PSPC1: variants seen among roughly 807,000 people sequenced by gnomAD.
The protein encoded by PSPC1 is paraspeckle protein 1.
PSPC1 carries 14 observed loss-of-function variants against 51.6 expected under a neutral mutation model. The ratio of observed to expected loss-of-function variants is 0.27; its 90% CI spans 0.18 to 0.42. The LOEUF (loss-of-function observed/expected upper bound fraction) is 0.42, where lower values mean the gene tolerates loss of function less well. PSPC1 is among the 10% of genes least tolerant of loss of function. The pLI, the probability that PSPC1 is intolerant of heterozygous loss-of-function variation, is 1.00. For missense variants in PSPC1, 406 were observed against 701.1 expected, an observed-to-expected ratio of 0.58 and a Z score of 4.75; for synonymous variants, 193 against 231.9, an observed-to-expected ratio of 0.83 and a Z score of 1.53.
chr13:19,698,059 A>G (rs1879456451), downstream of PSPC1, among the ~76,000 whole-genome samples: 1 of 152,114 alleles, frequency 6.6e-6, no homozygotes, highest in Non-Finnish European at 1.5e-5. Flanking sequence ...AGCCTGGTTG[A>G]TTGACAAACA....
At chr13:19,778,607 G>A (rs1430084161) in intron 1 of PSPC1, among the ~76,000 whole-genome samples, 10 of 126,424 alleles carry the variant, frequency 7.9e-5, no homozygotes, top group African/African-American at 1.4e-4. Flanking sequence ...CCCTAACCGC[G>A]AGTGATCCGC....
intron 6 of PSPC1, among the ~76,000 whole-genome samples, chr13:19,722,118 A>G (rs1882841592): frequency 6.6e-6 from 1 of 152,236 alleles, no homozygotes; most frequent in African/African-American, 2.4e-5. Flanking sequence ...GTGACCTCGA[A>G]AAATTCAGAG....
chr13:19,745,802 A>G (rs188379651), intron 4 of PSPC1, among the ~76,000 whole-genome samples: 14 of 151,654 alleles, frequency 9.2e-5, no homozygotes, highest in African/African-American at 3.1e-4. Context: ...CGTATTTCCA[A>G]TAGAGATGGG....
chr13:19,683,169 A>T (rs911991247), intron 6 of PSPC1, among the ~76,000 whole-genome samples: 1 of 152,156 alleles, frequency 6.6e-6, no homozygotes. Context: ...TGATCCTAGG[A>T]ATTTTCCCCA....
intron 7 of PSPC1, among the ~76,000 whole-genome samples, chr13:19,676,895 G>A (rs187391607): frequency 1.2e-3 from 186 of 152,154 alleles, no homozygotes; most frequent in African/African-American, 4.3e-3. Context: ...ACCCCTCTCC[G>A]AAAAAGTAAA....
intron 5 of PSPC1, among the ~76,000 whole-genome samples, chr13:19,731,956 C>T (rs913825730): frequency 1.3e-5 from 2 of 152,140 alleles, no homozygotes; most frequent in African/African-American, 4.8e-5. Flanking sequence ...TATTAGGTCT[C>T]GTTTTCCAGA....
At chr13:19,752,162 G>A (rs1886621846) in intron 3 of PSPC1, among the ~76,000 whole-genome samples, 1 of 152,140 alleles carries the variant, frequency 6.6e-6, no homozygotes, top group African/African-American at 2.4e-5. Flanking sequence ...TTTACTGAGC[G>A]TTATGTGCCA....
intron 2 of PSPC1, among the ~76,000 whole-genome samples, chr13:19,767,721 C>A (rs1243900116): frequency 1.3e-5 from 2 of 151,606 alleles, no homozygotes; most frequent in Non-Finnish European, 2.9e-5. Flanking sequence ...GAGACCTGCA[C>A]GGTAACAAGG....
chr13:19,776,755 C>A (rs7982815), intron 1 of PSPC1, among the ~76,000 whole-genome samples: 1 of 151,714 alleles, frequency 6.6e-6, no homozygotes, highest in African/African-American at 2.4e-5. Context: ...GATACGCCTG[C>A]CTCGGCCTCC....
At chr13:19,707,393 AT>A (rs1341198271) in intron 7 of PSPC1, among the ~76,000 whole-genome samples, 3 of 152,224 alleles carry the variant, frequency 2.0e-5, no homozygotes, top group African/African-American at 7.2e-5. Context: ...GAAAGGTAGC[AT>A]TATAATGTAG....
intron 7 of PSPC1, chr13:19,675,937 C>T (rs934636809): frequency 1.3e-5 from 2 of 152,176 alleles, no homozygotes; most frequent in African/African-American, 4.8e-5. Context: ...GAGTGAACCT[C>T]GGTTACTTTT....
chr13:19,701,831 T>C (rs1411379267), downstream of PSPC1, among the ~76,000 whole-genome samples: 2 of 152,238 alleles, frequency 1.3e-5, no homozygotes, highest in Non-Finnish European at 2.9e-5. Flanking sequence ...AGCTATGCTA[T>C]GATCAGTGTC....
intron 5 of PSPC1, among the ~76,000 whole-genome samples, chr13:19,738,233 A>G (rs1345854356): frequency 6.6e-6 from 1 of 152,188 alleles, no homozygotes; most frequent in Non-Finnish European, 1.5e-5. Context: ...TCACACTCAC[A>G]CAGGATTTTA....
At chr13:19,765,474 G>C (rs970892392) in intron 2 of PSPC1, among the ~76,000 whole-genome samples, 1 of 149,348 alleles carries the variant, frequency 6.7e-6, no homozygotes, top group South Asian at 2.1e-4. Context: ...GATCCATGTG[G>C]TAATTTTAAG....
chr13:19,684,658 G>A (rs2137605739), intron 6 of PSPC1, among the ~76,000 whole-genome samples: 1 of 152,292 alleles, frequency 6.6e-6, no homozygotes, highest in South Asian at 2.1e-4. Flanking sequence ...ATACCAAAAT[G>A]TTGTACTGGG....
chr13:19,708,608 C>G lies in PSPC1; in HGVS notation c.1216+934G>C, dbSNP rs537331717. Among the ~76,000 whole-genome samples, 3 of 152,280 alleles carry G rather than the reference C, an allele frequency of 2.0e-5. No homozygotes were observed. In the South Asian group the frequency reaches 6.2e-4, roughly 32 times the overall value. ...CATACTAAAGTTGCTAATATGCTTT[C>G]TTAAAAGCTTAGTCAACTCTAAAAC... is the stretch of plus-strand genomic sequence containing the variant. On this transcript the variant is annotated intron_variant, in intron 7 of 8. Coordinates refer to ENST00000338910, the MANE Select transcript of PSPC1 (RefSeq NM_001354909.2).
Position 19,782,679 on chromosome 13 carries a change from C to T in PSPC1, c.79G>A (p.Gly27Ser), listed in dbSNP as rs1396239405. 6.4e-7 allele frequency: 1 copy of T among 1,565,996 alleles called. No individual in the cohort carries two copies. The highest frequency in any genetic ancestry group is 1.2e-5 in the South Asian group (1 of 86,264). Residue 27 changes from glycine (G) to serine (S), a missense_variant, in exon 1 of 9, where the codon GGC becomes AGC. Coordinates refer to ENST00000338910, the MANE Select transcript of PSPC1 (RefSeq NM_001354909.2). The surrounding 1 kb of genome is among the most constrained non-coding windows in gnomAD (Gnocchi z 4.5). ...ARLRALESAVGESEPAAAAAM... is the reference protein window; with the variant it reads ...ARLRALESAVSESEPAAAAAM... ...GCCGCGGCCGCCGGCTCGCTCTCGC[C>T]CACCGCGGACTCCAGGGCGCGAAGG...
At chr13:19,674,827 T>C (rs1016304679) in exon 8 of PSPC1, 1 of 152,252 alleles carries the variant, frequency 6.6e-6, no homozygotes, top group South Asian at 2.1e-4. Context: ...TTTAGACTTA[T>C]CCCAAATCCT....
intron 1 of PSPC1, among the ~76,000 whole-genome samples, chr13:19,775,346 C>T (rs1449333116): frequency 6.6e-6 from 1 of 150,440 alleles, no homozygotes; most frequent in Non-Finnish European, 1.5e-5. Context: ...AGCGAGACTC[C>T]GTCTCAAAAA....
Sources: gnomAD v4.1 joint callset for allele counts (sites outside exome capture counted in the v4.1 genomes callset) on GRCh38, gnomAD v4.1.1 for gene constraint, Gnocchi (gnomAD v3.1) non-coding constraint, MANE v1.5 for transcripts, NCBI Gene and HGNC (gene_info 2026-07-23, HGNC 2026-07-21) for gene names.